CLSTN2: variants seen among roughly 807,000 people sequenced by gnomAD.
CLSTN2 encodes calsyntenin 2, also known as calsyntenin-2.
CLSTN2 carries 48 observed loss-of-function variants against 101.2 expected under a neutral mutation model. The ratio of observed to expected loss-of-function variants is 0.47; its 90% CI spans 0.38 to 0.60. The LOEUF is 0.60. Ranked by LOEUF, CLSTN2 falls within the 20% of genes least tolerant of loss-of-function variation. The probability of loss-of-function intolerance (pLI) is 0.00; values close to 1 mark genes in which losing one functional copy is unlikely to be tolerated. For synonymous variants in CLSTN2, 481 were observed against 463.6 expected (o/e 1.04, Z -0.48); for missense variants, 1,160 against 1,238.2 (o/e 0.94, Z 0.95).
At chr3:140,371,210 G>A (rs1423949428) in intron 2 of CLSTN2, among the ~76,000 whole-genome samples, 2 of 152,148 alleles carry the variant, frequency 1.3e-5, no homozygotes, top group African/African-American at 4.8e-5. Context: ...TCTGGAGACA[G>A]GGATCTGAGA....
rs149192565 is a variant in CLSTN2, at chr3:140,156,328, G to C, written c.110-19623G>C. Among the ~76,000 whole-genome samples, 353 of 152,304 alleles carry C rather than the reference G, an allele frequency of 2.3e-3. 2 individuals are homozygous for C. The highest frequency in any genetic ancestry group is 8.3e-3 in the African/African-American group (346 of 41,564). On this transcript the variant is annotated intron_variant, in intron 1 of 16. Transcript: ENST00000458420. The stretch of plus-strand genomic sequence containing the variant: ...ATTTACTCTAAATCAACCACTGCTA[G>C]ATATTTCCAGGAATATGCTTCTTTT...
chr3:140,431,761 T>G (rs2088630409), intron 5 of CLSTN2, among the ~76,000 whole-genome samples: 1 of 151,912 alleles, frequency 6.6e-6, no homozygotes, highest in Non-Finnish European at 1.5e-5. Context: ...AGGTATGGAG[T>G]GAGAAGGGCT....
chr3:139,953,990 TG>T (rs1202014803), intron 1 of CLSTN2, among the ~76,000 whole-genome samples: 2 of 151,736 alleles, frequency 1.3e-5, no homozygotes, highest in Non-Finnish European at 2.9e-5. Context: ...ACTTTTATTT[TG>T]GGTTCAGGGG....
At chr3:140,288,750 G>A (rs2086921830) in intron 2 of CLSTN2, among the ~76,000 whole-genome samples, 2 of 152,042 alleles carry the variant, frequency 1.3e-5, no homozygotes, top group Non-Finnish European at 2.9e-5. Flanking sequence ...AATTTCTGAG[G>A]GATTTAAATA....
intron 9 of CLSTN2, among the ~76,000 whole-genome samples, chr3:140,536,396 T>C (rs540238434): frequency 2.0e-5 from 3 of 152,226 alleles, no homozygotes; most frequent in South Asian, 4.1e-4. Flanking sequence ...ACCAACACTG[T>C]AGACAATCTG....
chr3:140,297,228 C>G (rs559817433), intron 2 of CLSTN2, among the ~76,000 whole-genome samples: 1 of 152,350 alleles, frequency 6.6e-6, no homozygotes, highest in South Asian at 2.1e-4. Flanking sequence ...GAACTGCTCT[C>G]CGCATCAACT....
At chr3:140,247,413 C>T (rs1203802923) in intron 2 of CLSTN2, among the ~76,000 whole-genome samples, 1 of 152,150 alleles carries the variant, frequency 6.6e-6, no homozygotes, top group Non-Finnish European at 1.5e-5. Flanking sequence ...GGCCAGGGGA[C>T]CTTTGGGAAG....
At chr3:140,441,552 T>G (rs1051998103) in intron 5 of CLSTN2, among the ~76,000 whole-genome samples, 8 of 152,226 alleles carry the variant, frequency 5.3e-5, no homozygotes, top group Admixed American at 5.2e-4. Flanking sequence ...GTTAAGTAAC[T>G]GCCGAAGGTG....
intron 2 of CLSTN2, among the ~76,000 whole-genome samples, chr3:140,333,330 C>A (rs953461): frequency 0.58 from 87,963 of 151,904 alleles, 26,005 homozygotes; most frequent in Non-Finnish European, 0.64. Context: ...GACTTTTGGC[C>A]GGTCACATGT....
chr3:140,110,030 T>C (rs994794076), intron 1 of CLSTN2, among the ~76,000 whole-genome samples: 1 of 152,220 alleles, frequency 6.6e-6, no homozygotes, highest in Non-Finnish European at 1.5e-5. Flanking sequence ...GAATCATTTA[T>C]GCCAATTTTA....
intron 2 of CLSTN2, among the ~76,000 whole-genome samples, chr3:140,312,064 C>G (rs2087174226): frequency 6.6e-6 from 1 of 152,216 alleles, no homozygotes; most frequent in African/African-American, 2.4e-5. Context: ...TTCCCTTTCT[C>G]CCATGCAGTA....
At chr3:140,081,170 C>T (rs534699371) in intron 1 of CLSTN2, among the ~76,000 whole-genome samples, 15 of 152,260 alleles carry the variant, frequency 9.9e-5, no homozygotes, top group Non-Finnish European at 1.8e-4. Flanking sequence ...CAGATATTCA[C>T]GGGGGAAATT....
intron 1 of CLSTN2, among the ~76,000 whole-genome samples, chr3:140,090,241 G>C (rs1309173701): frequency 1.3e-5 from 2 of 151,752 alleles, no homozygotes; most frequent in East Asian, 3.9e-4. Context: ...GAATGTTTCT[G>C]GTTGGAGATG....
intron 1 of CLSTN2, among the ~76,000 whole-genome samples, chr3:140,096,463 G>T (rs1473121868): frequency 6.6e-6 from 1 of 152,214 alleles, no homozygotes; most frequent in Non-Finnish European, 1.5e-5. Flanking sequence ...GGTAGATTTT[G>T]TGGCACTGGA....
At chr3:140,170,327 T>C (rs2010192739) in intron 1 of CLSTN2, among the ~76,000 whole-genome samples, 2 of 152,132 alleles carry the variant, frequency 1.3e-5, no homozygotes, top group Non-Finnish European at 2.9e-5. Context: ...GATGATTTGA[T>C]CTATAGACAA....
chr3:140,076,625 G>GTTTTTTTTT (rs35645750), intron 1 of CLSTN2, among the ~76,000 whole-genome samples: 737 of 38,066 alleles, frequency 0.019, 130 homozygotes, highest in African/African-American at 0.045. Context: ...CACCAGCAGT[G>GTTTTTTTTT]TTTTTTTTTT....
rs1559884804 is a variant in CLSTN2 at position 140,490,008 on chromosome 3, G to GTATATATATA, written c.1344+23279_1344+23280insTATATATATA. 1.5e-3 allele frequency among the ~76,000 whole-genome samples: 5 copies of GTATATATATA among 3,228 alleles called. 1 individual carries two copies. Among genetic ancestry groups the GTATATATATA allele is most frequent in the South Asian group, 9.6e-3 (1 of 104 alleles). 2.1% of individuals were successfully genotyped at this position (3,228 alleles called of 152,430 possible). A position where few individuals can be genotyped will look rare whatever the true frequency, so the allele number is the denominator to read the frequency against. On this transcript the variant is annotated intron_variant, in intron 8 of 16. Transcript: ENST00000458420. The stretch of plus-strand genomic sequence containing the variant: ...TGGCAACAGACAAGAAAAAAAAGAA[G>GTATATATATA]TACATGTGTGTGTGTGTGTGTGTGT...
At chr3:140,302,857 G>A (rs1271234581) in intron 2 of CLSTN2, among the ~76,000 whole-genome samples, 2 of 152,160 alleles carry the variant, frequency 1.3e-5, no homozygotes, top group Non-Finnish European at 2.9e-5. Flanking sequence ...CCAGTGTGGA[G>A]TCAGGTGGGC....
At chr3:140,043,794 T>G (rs2007810435) in intron 1 of CLSTN2, among the ~76,000 whole-genome samples, 1 of 152,238 alleles carries the variant, frequency 6.6e-6, no homozygotes, top group South Asian at 2.1e-4. Flanking sequence ...CCTTTCCCCA[T>G]TTCTTGTTTT....
Sources: gnomAD v4.1 joint callset for allele counts (sites outside exome capture counted in the v4.1 genomes callset) on GRCh38, gnomAD v4.1.1 for gene constraint, MANE v1.5 for transcripts, NCBI Gene and HGNC (gene_info 2026-07-23, HGNC 2026-07-21) for gene names.